Variants in ASTN2 observed in about 807,000 individuals in gnomAD.
The protein encoded by ASTN2 is astrotactin 2.
Under a neutral mutation model 139.8 loss-of-function variants are expected in ASTN2, and 54 were observed. The ratio of observed to expected loss-of-function variants is 0.39; its 90% CI spans 0.31 to 0.48. ASTN2 has a LOEUF of 0.48. Ranked by LOEUF, ASTN2 falls within the 20% of genes least tolerant of loss-of-function variation. ASTN2 has a pLI of 0.95. For synonymous variants in ASTN2, 756 were observed against 719.5 expected (o/e 1.05, Z -0.81); for missense variants, 1,565 against 1,725.1 (o/e 0.91, Z 1.64).
At chr9:117,342,314 C>G (rs1829086704) in intron 1 of ASTN2, among the ~76,000 whole-genome samples, 1 of 152,184 alleles carries the variant, frequency 6.6e-6, no homozygotes, top group Non-Finnish European at 1.5e-5. Flanking sequence ...CTTAGCCTCA[C>G]TGAAACTCAG....
At chr9:116,974,584 C>T (rs1836293978) in intron 10 of ASTN2, among the ~76,000 whole-genome samples, 1 of 149,160 alleles carries the variant, frequency 6.7e-6, no homozygotes, top group African/African-American at 2.5e-5. Context: ...TCTCAGCTCA[C>T]TGCAACTTCC....
chr9:116,924,477 G>A (rs983482029), intron 10 of ASTN2, among the ~76,000 whole-genome samples: 4 of 151,168 alleles, frequency 2.6e-5, no homozygotes, highest in African/African-American at 9.7e-5. Flanking sequence ...TGGCAGCGGT[G>A]GCATGGGCTG....
intron 19 of ASTN2, among the ~76,000 whole-genome samples, chr9:116,587,004 A>G (rs892449953): frequency 1.3e-5 from 2 of 152,086 alleles, no homozygotes; most frequent in African/African-American, 4.8e-5. Flanking sequence ...GAGGCCACCA[A>G]TTCCCATCTG....
intron 19 of ASTN2, among the ~76,000 whole-genome samples, chr9:116,488,251 T>C (rs1032530783): frequency 2.0e-5 from 3 of 152,170 alleles, no homozygotes; most frequent in African/African-American, 7.2e-5. Context: ...ACAGAACTAA[T>C]AAAGAAGTCT....
chr9:116,699,701 A>G lies in ASTN2; in HGVS notation c.2806+26070T>C, dbSNP rs1446030395. On this transcript the variant is annotated intron_variant, in intron 16 of 22. Transcript: ENST00000313400. The surrounding 1 kb of genome is among the most constrained non-coding windows in gnomAD (Gnocchi z 4.2). ...ACCATCTGAGAAGATATTCCACCCC[A>G]TAGGGGATGAGAAATTATCAGTTTC... is the stretch of plus-strand genomic sequence containing the variant. 1.9e-6 allele frequency: 3 copies of G among 1,614,096 alleles called. No individual in the cohort carries two copies. The highest frequency in any genetic ancestry group is 1.1e-5 in the South Asian group (1 of 91,074).
rs1831263980 is a variant in ASTN2, at chr9:117,414,392, C to T, written c.442+105G>A. On this transcript the variant is annotated intron_variant, in intron 1 of 22. Transcript: ENST00000313400. The surrounding 1 kb of genome is among the most constrained non-coding windows in gnomAD (Gnocchi z 4.2). ...TCCTCTACCCTCTGCCAACCCCACTCGGGGCAGCCCCGGGCAGGGATCCCC... is the reference window on the plus strand; with the variant it reads ...TCCTCTACCCTCTGCCAACCCCACTTGGGGCAGCCCCGGGCAGGGATCCCC... 45 of 1,523,056 alleles carry T rather than the reference C, an allele frequency of 3.0e-5. No homozygotes were observed. In the South Asian group the frequency reaches 5.6e-4, roughly 19 times the overall value. The allele number at this position is 1,523,056 out of a possible 1,614,324, so 94.3% of individuals were successfully genotyped here. A position where few individuals can be genotyped will look rare whatever the true frequency, so the allele number is the denominator to read the frequency against.
chr9:117,273,678 C>T (rs977889992), intron 2 of ASTN2, among the ~76,000 whole-genome samples: 2 of 152,184 alleles, frequency 1.3e-5, no homozygotes, highest in Middle Eastern at 3.2e-3. Context: ...CTCCATGCCA[C>T]CTGCTCTAAT....
At chr9:117,246,175 G>A (rs1478478549) in intron 2 of ASTN2, among the ~76,000 whole-genome samples, 2 of 152,118 alleles carry the variant, frequency 1.3e-5, no homozygotes, top group Non-Finnish European at 1.5e-5. Flanking sequence ...CCTCTAAATT[G>A]ATACACAAAT....
At position 116,727,013 on chromosome 9, in the gene ASTN2, A is replaced by AACACAC. The variant is rs34050784; in HGVS notation, c.2627-1069_2627-1064dup. On this transcript the variant is annotated intron_variant, in intron 15 of 22. Coordinates refer to ENST00000313400, the MANE Select transcript of ASTN2 (RefSeq NM_001365068.1). The stretch of plus-strand genomic sequence containing the variant: ...CTTTCCTTGCATTCTCACTACACTC[A>AACACAC]ACACACACACACACACACACACACA... Among the ~76,000 whole-genome samples the AACACAC allele has an allele frequency of 6.8e-3, 978 of 144,514 alleles. 10 individuals are homozygous for AACACAC. Among genetic ancestry groups the AACACAC allele is most frequent in the African/African-American group, 0.024 (924 of 38,272 alleles). 94.8% of individuals were successfully genotyped at this position (144,514 alleles called of 152,430 possible).
intron 1 of ASTN2, among the ~76,000 whole-genome samples, chr9:117,306,947 C>T (rs1245040872): frequency 6.6e-6 from 1 of 152,136 alleles, no homozygotes; most frequent in Non-Finnish European, 1.5e-5. Context: ...GCAGGTGTGC[C>T]TATCACAGAG....
intron 19 of ASTN2, among the ~76,000 whole-genome samples, chr9:116,492,914 G>C (rs764979988): frequency 1.2e-4 from 18 of 152,020 alleles, no homozygotes; most frequent in Non-Finnish European, 2.4e-4. Context: ...AGAGAGATTG[G>C]GGCCAGTCTT....
At chr9:117,413,431 C>T (rs990403347) in intron 1 of ASTN2, among the ~76,000 whole-genome samples, 1 of 152,246 alleles carries the variant, frequency 6.6e-6, no homozygotes, top group African/African-American at 2.4e-5. Context: ...CTGTTGTTGG[C>T]CAGACTCCGA....
At chr9:117,107,209 A>G (rs759872033) in intron 4 of ASTN2, among the ~76,000 whole-genome samples, 5 of 152,014 alleles carry the variant, frequency 3.3e-5, no homozygotes, top group Non-Finnish European at 7.4e-5. Context: ...TATTTAACCA[A>G]TTTCTTATTG....
At chr9:116,557,249 A>AG (rs1491355444) in intron 19 of ASTN2, among the ~76,000 whole-genome samples, 16 of 137,208 alleles carry the variant, frequency 1.2e-4, no homozygotes, top group Admixed American at 1.2e-3. Context: ...AAAAAAAAAA[A>AG]GAAAAGAAAA....
intron 17 of ASTN2, among the ~76,000 whole-genome samples, chr9:116,636,116 G>C (rs950417891): frequency 1.3e-5 from 2 of 152,160 alleles, no homozygotes; most frequent in African/African-American, 4.8e-5. Flanking sequence ...AGACAAACAA[G>C]GGTTTAAATC....
At chr9:116,729,450 T>A (rs1250533418) in intron 14 of ASTN2, among the ~76,000 whole-genome samples, 3 of 152,290 alleles carry the variant, frequency 2.0e-5, no homozygotes, top group Admixed American at 2.0e-4. Context: ...TCTCTAATAC[T>A]CTTATTTCGT....
chr9:117,080,728 C>T (rs1443104194), intron 5 of ASTN2, among the ~76,000 whole-genome samples: 3 of 152,080 alleles, frequency 2.0e-5, no homozygotes, highest in Admixed American at 6.5e-5. Context: ...CACAGATATC[C>T]TTAGAGCAGA....
At chr9:116,700,677 G>GTACA in intron 16 of ASTN2, 1 of 166,866 alleles carries the variant, frequency 6.0e-6, no homozygotes, top group East Asian at 1.9e-4. Context: ...CCTCAAGTCA[G>GTACA]TACATACTAT....
chr9:117,025,343 C>T (rs940078337), intron 6 of ASTN2, among the ~76,000 whole-genome samples: 2 of 152,144 alleles, frequency 1.3e-5, no homozygotes, highest in African/African-American at 2.4e-5. Flanking sequence ...GCCCTCACCC[C>T]TGTACTCATG....
Sources: allele counts gnomAD v4.1 joint callset (sites outside exome capture counted in the v4.1 genomes callset), GRCh38; gene constraint gnomAD v4.1.1; non-coding constraint Gnocchi (gnomAD v3.1); transcripts MANE v1.5; gene names NCBI Gene and HGNC (gene_info 2026-07-23, HGNC 2026-07-21).